ZDHHC16: variants seen among roughly 807,000 people sequenced by gnomAD.
ZDHHC16 encodes the protein zDHHC palmitoyltransferase 16.
Under a neutral mutation model 54.4 loss-of-function variants are expected in ZDHHC16, and 33 were observed. That is an observed-to-expected ratio of 0.61 (90% CI 0.46 to 0.81). The LOEUF (loss-of-function observed/expected upper bound fraction) is 0.81. Ranked by LOEUF, ZDHHC16 falls within the 30% of genes least tolerant of loss-of-function variation. The pLI, the probability that ZDHHC16 is intolerant of heterozygous loss-of-function variation, is 0.00. For synonymous variants in ZDHHC16, 185 were observed against 182.1 expected (o/e 1.02, Z -0.13); for missense variants, 420 against 485.9 (o/e 0.86, Z 1.28).
chr10:97,454,735 C>A lies in ZDHHC16; in HGVS notation c.760C>A (p.Pro254Thr). 1 of 1,614,216 alleles carries A rather than the reference C, an allele frequency of 6.2e-7. No individual in the cohort carries two copies. The highest frequency in any genetic ancestry group is 8.5e-7 in the Non-Finnish European group (1 of 1,180,040). Residue 254 changes from proline (P) to threonine (T), a missense_variant, in exon 9 of 12, where the codon CCC (proline) becomes ACC (threonine). Pro to Thr is a conservative substitution (Grantham distance 38). Coordinates refer to ENST00000393760, the MANE Select transcript of ZDHHC16 (RefSeq NM_198046.3). ...CTAGACTTATCACCAGACCCCACCACCCACCTTCTCCTTTCGAGAAAGGAT... is the reference window on the plus strand; with the variant it reads ...CTAGACTTATCACCAGACCCCACCAACCACCTTCTCCTTTCGAGAAAGGAT... ...ANQTYHQTPPPTFSFRERMTH... is the reference protein window; with the variant it reads ...ANQTYHQTPPTTFSFRERMTH...
intron 10 of ZDHHC16, 59 bp downstream of exon 10, chr10:97,455,842 A>G: frequency 8.7e-6 from 14 of 1,605,878 alleles, no homozygotes; most frequent in Non-Finnish European, 1.2e-5. Context: ...CTCTCCTGTA[A>G]ACAGAGGCCA....
At chr10:97,448,363 G>A (rs1373936973) in intron 1 of ZDHHC16, 1 of 152,208 alleles carries the variant, frequency 6.6e-6, no homozygotes, top group Non-Finnish European at 1.5e-5. Flanking sequence ...ATTGTGCTAA[G>A]TGCTTTATAA....
In ZDHHC16 at chr10:97,456,904, C is replaced by A; in HGVS notation, c.*13C>A. On this transcript the variant is annotated 3_prime_UTR_variant, in exon 12 of 12. Transcript: ENST00000393760. ...GATGGCAGTGTGAGCTGGACTGTGT[C>A]AGCCACGACTCGAGCACTCATTCTG... 1 of 1,591,508 alleles carries A rather than the reference C, an allele frequency of 6.3e-7. No homozygotes were observed. Among genetic ancestry groups the A allele is most frequent in the South Asian group, 1.1e-5 (1 of 89,044 alleles).
At chr10:97,447,785 TG>T (rs1846229486) in intron 1 of ZDHHC16, among the ~76,000 whole-genome samples, 1 of 152,006 alleles carries the variant, frequency 6.6e-6, no homozygotes. Context: ...TAGCCAGGCG[TG>T]GTGGCACATG....
Position 97,454,582 on chromosome 10 carries a change from A to G in ZDHHC16, c.739-132A>G. The G allele has an allele frequency of 7.5e-6, 6 of 802,120 alleles. No homozygotes were observed. The South Asian group carries it at 9.7e-5, about 13-fold the overall frequency. The allele number at this position is 802,120 out of a possible 1,614,324, so 49.7% of individuals were successfully genotyped here. A position where few individuals can be genotyped will look rare whatever the true frequency, so the allele number is the denominator to read the frequency against. On this transcript the variant is annotated intron_variant, in intron 8 of 11. Transcript: ENST00000393760. ...GCTTGGTCCACCCATCTTGGCTGCT[A>G]CCCTAACTCCTCTGTGGCTTTACCC...
Position 97,454,816 on chromosome 10 carries a change from G to A in ZDHHC16, c.824+17G>A. On this transcript the variant is annotated intron_variant, in intron 9 of 11. Coordinates refer to ENST00000393760, the MANE Select transcript of ZDHHC16 (RefSeq NM_198046.3). Reference sequence around the variant, plus strand: ...CCTGTGCAGGTATTTGTTTTTGATAGTTTTAAGGGAGGGGAAGCTTCAGAA... The same window carrying A: ...CCTGTGCAGGTATTTGTTTTTGATAATTTTAAGGGAGGGGAAGCTTCAGAA... 1 of 1,612,236 alleles carries A rather than the reference G, an allele frequency of 6.2e-7. No homozygotes were observed. The highest frequency in any genetic ancestry group is 8.5e-7 in the Non-Finnish European group (1 of 1,179,008).
chr10:97,455,144 G>T (rs1847046647), intron 9 of ZDHHC16, among the ~76,000 whole-genome samples: 3 of 152,182 alleles, frequency 2.0e-5, no homozygotes, highest in Admixed American at 2.0e-4. Flanking sequence ...GAAGTGACTT[G>T]TTCTATGATA....
chr10:97,452,865 C>A (rs746701763), intron 5 of ZDHHC16, 30 bp from the exon 6 acceptor site: 3 of 1,614,200 alleles, frequency 1.9e-6, no homozygotes, highest in Admixed American at 3.3e-5. Flanking sequence ...CTTTGGCCAC[C>A]GTAACAGAGC....
intron 2 of ZDHHC16, 133 bp from the exon 3 acceptor site, chr10:97,451,538 C>A: frequency 1.6e-6 from 2 of 1,274,906 alleles, no homozygotes; most frequent in Non-Finnish European, 1.1e-6. Flanking sequence ...TCCTACTTCT[C>A]ACAGTTGGTG....
Position 97,457,133 on chromosome 10 carries a change from A to C in ZDHHC16, c.*242A>C, listed in dbSNP as rs1207789742. ...CAAACAGAAGTTCCAACCCCAGACT[A>C]GGGGTCAGGCAGCTAGCTACCTACC... On this transcript the variant is annotated 3_prime_UTR_variant, in exon 12 of 12. Coordinates refer to ENST00000393760, the MANE Select transcript of ZDHHC16 (RefSeq NM_198046.3). 3.5e-6 allele frequency: 1 copy of C among 285,314 alleles called. No homozygotes were observed. Among genetic ancestry groups the C allele is most frequent in the African/African-American group, 2.2e-5 (1 of 46,006 alleles). 17.7% of individuals were successfully genotyped at this position (285,314 alleles called of 1,614,324 possible). A position where few individuals can be genotyped will look rare whatever the true frequency, so the allele number is the denominator to read the frequency against.
chr10:97,447,423 G>A (rs1435384753), intron 1 of ZDHHC16, among the ~76,000 whole-genome samples: 2 of 152,196 alleles, frequency 1.3e-5, no homozygotes, highest in Non-Finnish European at 2.9e-5. Flanking sequence ...GGGAAGAGGG[G>A]AGTGTTGTGG....
intron 9 of ZDHHC16, 82 bp from the exon 10 acceptor site, chr10:97,455,575 AGTT>A: frequency 6.2e-7 from 1 of 1,608,272 alleles, no homozygotes; most frequent in Non-Finnish European, 8.5e-7. Flanking sequence ...GTTCCAAACC[AGTT>A]GTTACTGCTT....
intron 8 of ZDHHC16, 114 bp downstream of exon 8, chr10:97,453,960 CTA>C: frequency 7.1e-7 from 1 of 1,408,458 alleles, no homozygotes. Flanking sequence ...AGAGGCCACT[CTA>C]GACCAGATCA....
At chr10:97,447,970 T>C (rs1293234677) in intron 1 of ZDHHC16, among the ~76,000 whole-genome samples, 1 of 152,000 alleles carries the variant, frequency 6.6e-6, no homozygotes, top group Admixed American at 6.5e-5. Flanking sequence ...GCGGCCCACT[T>C]ACTACATATG....
At chr10:97,452,038 C>T in intron 3 of ZDHHC16, 52 bp from the exon 4 acceptor site, 3 of 1,611,316 alleles carry the variant, frequency 1.9e-6, no homozygotes, top group Non-Finnish European at 2.5e-6. Context: ...TCCGAGTCTC[C>T]TTTGGGCATA....
At chr10:97,454,868 A>C (rs1372963866) in intron 9 of ZDHHC16, 69 bp downstream of exon 9, 2 of 1,365,132 alleles carry the variant, frequency 1.5e-6, no homozygotes, top group Non-Finnish European at 2.1e-6. Context: ...GCCCACACGC[A>C]GGCAGAAACC....
chr10:97,449,260 T>G (rs1846377866), intron 1 of ZDHHC16, among the ~76,000 whole-genome samples: 1 of 150,656 alleles, frequency 6.6e-6, no homozygotes. Flanking sequence ...AGGTGTGAGG[T>G]AGTATATAAT....
rs1398814367 is a variant in ZDHHC16 at position 97,455,747 on chromosome 10, C to G, written c.912C>G (p.Asn304Lys). ...AGACTAGCATCGAAAGGCACATCAACAAGAAGGAGAGACGTCGGCTACAGG... is the reference window on the plus strand; with the variant it reads ...AGACTAGCATCGAAAGGCACATCAAGAAGAAGGAGAGACGTCGGCTACAGG... ...RGETSIERHI[N>K]KKERRRLQAK... The change falls in exon 10 of 12, where the codon AAC becomes AAG. Residue 304 changes from asparagine to lysine, a missense_variant. By Grantham distance (94) the Asn-to-Lys change is moderately conservative. Coordinates refer to ENST00000393760, the MANE Select transcript of ZDHHC16 (RefSeq NM_198046.3). 1 of 1,614,152 alleles carries G rather than the reference C, an allele frequency of 6.2e-7. No homozygotes were observed. Among genetic ancestry groups the G allele is most frequent in the South Asian group, 1.1e-5 (1 of 91,078 alleles).
intron 1 of ZDHHC16, among the ~76,000 whole-genome samples, chr10:97,446,688 G>A (rs1471088444): frequency 6.6e-6 from 1 of 152,182 alleles, no homozygotes; most frequent in African/African-American, 2.4e-5. Flanking sequence ...GTTTCACCTC[G>A]CGGCTGTCAT....
Sources: gnomAD v4.1 joint callset for allele counts (sites outside exome capture counted in the v4.1 genomes callset) on GRCh38, gnomAD v4.1.1 for gene constraint, MANE v1.5 for transcripts, NCBI Gene and HGNC (gene_info 2026-07-23, HGNC 2026-07-21) for gene names.